ADAMTS3: variants seen among roughly 807,000 people sequenced by gnomAD.
ADAMTS3 encodes the protein A disintegrin and metalloproteinase with thrombospondin motifs 3.
Under a neutral mutation model 129.0 loss-of-function variants are expected in ADAMTS3, and 73 were observed. The observed-to-expected ratio is 0.57, with a 90% CI of 0.47 to 0.69. The LOEUF is 0.69. ADAMTS3 is among the 30% of genes least tolerant of loss of function. ADAMTS3 has a pLI of 0.00. For synonymous variants in ADAMTS3, 477 were observed against 510.8 expected (o/e 0.93, Z 0.89); for missense variants, 1,457 against 1,514.5 (o/e 0.96, Z 0.63).
intron 3 of ADAMTS3, among the ~76,000 whole-genome samples, chr4:72,418,664 G>A (rs759829818): frequency 2.0e-5 from 3 of 152,194 alleles, no homozygotes; most frequent in Non-Finnish European, 4.4e-5. Flanking sequence ...CTCACAGCCA[G>A]CTGCAAAGAG....
At chr4:72,323,316 C>CAT (rs1719613372) in intron 5 of ADAMTS3, 1 of 512,332 alleles carries the variant, frequency 2.0e-6, no homozygotes, top group African/African-American at 1.9e-5. Flanking sequence ...GTAATATGAA[C>CAT]GTACAGGACA....
chr4:72,488,883 G>A (rs1719659799), intron 3 of ADAMTS3, among the ~76,000 whole-genome samples: 1 of 151,742 alleles, frequency 6.6e-6, no homozygotes, highest in African/African-American at 2.4e-5. Context: ...TCTCCAGAAT[G>A]TACTCATCTA....
intron 21 of ADAMTS3, among the ~76,000 whole-genome samples, chr4:72,286,767 A>C (rs2109765995): frequency 6.6e-6 from 1 of 152,200 alleles, no homozygotes; most frequent in East Asian, 1.9e-4. Context: ...CTAGGAAAAC[A>C]AGGCAGGAGA....
At chr4:72,455,999 T>TTA (rs1239919922) in intron 3 of ADAMTS3, among the ~76,000 whole-genome samples, 1 of 35,574 alleles carries the variant, frequency 2.8e-5, no homozygotes, top group African/African-American at 1.0e-4. Context: ...TATATATATT[T>TTA]TACATATAGT....
chr4:72,562,161 G>T (rs540123406), intron 2 of ADAMTS3, among the ~76,000 whole-genome samples: 38 of 151,968 alleles, frequency 2.5e-4, no homozygotes, highest in Non-Finnish European at 4.9e-4. Flanking sequence ...TTACGAATTC[G>T]CTGCATCTTT....
rs763873264 is a variant in ADAMTS3, at chr4:72,290,838, G to A, written c.2931+17C>T. Reference sequence around the variant, plus strand: ...ACACACACTTTACTTATGCATGCACGGAATTCACACACCTACCTCACTCCA... The same window carrying A: ...ACACACACTTTACTTATGCATGCACAGAATTCACACACCTACCTCACTCCA... On this transcript the variant is annotated intron_variant, in intron 20 of 21. Transcript: ENST00000286657. 6.8e-6 allele frequency: 11 copies of A among 1,611,492 alleles called. No individual in the cohort carries two copies. The highest frequency in any genetic ancestry group is 4.5e-5 in the East Asian group (2 of 44,772).
At chr4:72,364,051 G>C (rs1720800373) in intron 4 of ADAMTS3, among the ~76,000 whole-genome samples, 1 of 152,188 alleles carries the variant, frequency 6.6e-6, no homozygotes, top group South Asian at 2.1e-4. Context: ...TGCATAAGTA[G>C]AATTAGCCCA....
intron 2 of ADAMTS3, among the ~76,000 whole-genome samples, chr4:72,552,842 C>T (rs1351676225): frequency 1.3e-5 from 2 of 152,148 alleles, no homozygotes; most frequent in East Asian, 3.9e-4. Flanking sequence ...CCCTCTGTCC[C>T]CCTTCTGTGT....
intron 3 of ADAMTS3, among the ~76,000 whole-genome samples, chr4:72,435,880 G>C (rs1722808536): frequency 1.3e-5 from 2 of 151,988 alleles, no homozygotes; most frequent in South Asian, 4.1e-4. Flanking sequence ...TTAAATGTTA[G>C]ACCTAAAACC....
rs1055517375 is a variant in ADAMTS3, at chr4:72,374,748, T to C, written c.662-35055A>G. Among the ~76,000 whole-genome samples the C allele has an allele frequency of 2.6e-5, 4 of 152,180 alleles. No homozygotes were observed. The East Asian group carries it at 7.7e-4, about 29-fold the overall frequency. ...TTGGTTTAAAATACTGTGAAAGGAA[T>C]TTATTTTTAAATGTGGAACCTGTTA... On this transcript the variant is annotated intron_variant, in intron 4 of 21. Coordinates refer to ENST00000286657, the MANE Select transcript of ADAMTS3 (RefSeq NM_014243.3).
At chr4:72,312,266 G>A in intron 13 of ADAMTS3, 25 bp downstream of exon 13, 1 of 1,612,448 alleles carries the variant, frequency 6.2e-7, no homozygotes. Context: ...CCACACAGCA[G>A]GAAGGAGAGC....
At chr4:72,304,940 G>A (rs916613300) in intron 16 of ADAMTS3, among the ~76,000 whole-genome samples, 2 of 152,012 alleles carry the variant, frequency 1.3e-5, no homozygotes, top group African/African-American at 4.8e-5. Flanking sequence ...GCTTGAGAGA[G>A]AACTATAGCT....
rs542399592 is a variant in ADAMTS3 at position 72,332,229 on chromosome 4, A to C, written c.861+7265T>G. ...CACTCACATTCAATGTTTTCAAAAAAGTTAAAAAATCAAAAGCAGTGTATT... is the reference window on the plus strand; with the variant it reads ...CACTCACATTCAATGTTTTCAAAAACGTTAAAAAATCAAAAGCAGTGTATT... On this transcript the variant is annotated intron_variant, in intron 5 of 21. Coordinates refer to ENST00000286657, the MANE Select transcript of ADAMTS3 (RefSeq NM_014243.3). Among the ~76,000 whole-genome samples, 16 of 152,352 alleles carry C rather than the reference A, an allele frequency of 1.1e-4. No homozygotes were observed. In the South Asian group the frequency reaches 3.3e-3, roughly 32 times the overall value.
At chr4:72,405,913 T>C (rs374141917) in intron 4 of ADAMTS3, among the ~76,000 whole-genome samples, 4 of 152,186 alleles carry the variant, frequency 2.6e-5, no homozygotes, top group Admixed American at 6.6e-5. Context: ...ATCAAGGAAC[T>C]GTAAGAGCCA....
In ADAMTS3 at chr4:72,507,261, T is replaced by C. The variant is rs537511508; in HGVS notation, c.504+41217A>G. ...TGCCCAGCTTCCCTTCCTCTTCTTGTGACAACCACACCTTATGCCTCTTTC... is the reference window on the plus strand; with the variant it reads ...TGCCCAGCTTCCCTTCCTCTTCTTGCGACAACCACACCTTATGCCTCTTTC... On this transcript the variant is annotated intron_variant, in intron 3 of 21. Transcript: ENST00000286657. Among the ~76,000 whole-genome samples, 9 of 152,274 alleles carry C rather than the reference T, an allele frequency of 5.9e-5. No homozygotes were observed. In the East Asian group the frequency reaches 1.7e-3, roughly 30 times the overall value.
intron 3 of ADAMTS3, among the ~76,000 whole-genome samples, chr4:72,522,707 G>T (rs1720705573): frequency 1.3e-5 from 2 of 152,012 alleles, no homozygotes; most frequent in Non-Finnish European, 2.9e-5. Flanking sequence ...ACTACACCTT[G>T]TATAACAGCT....
At chr4:72,513,812 G>A (rs1720379836) in intron 3 of ADAMTS3, among the ~76,000 whole-genome samples, 1 of 152,002 alleles carries the variant, frequency 6.6e-6, no homozygotes, top group South Asian at 2.1e-4. Context: ...GTACCCAACA[G>A]GTAATTTTTA....
At chr4:72,351,094 CAT>C (rs148116730) in intron 4 of ADAMTS3, among the ~76,000 whole-genome samples, 1,767 of 152,138 alleles carry the variant, frequency 0.012, 46 homozygotes, top group African/African-American at 0.041. Flanking sequence ...AGGCTCACCT[CAT>C]ATGTTTCTCA....
chr4:72,320,718 C>T lies in ADAMTS3; in HGVS notation c.1098G>A (p.Met366Ile), dbSNP rs753251269. Residue 366 changes from methionine (M) to isoleucine (I), a missense_variant, in exon 7 of 22, where the codon ATG (methionine) becomes ATA (isoleucine). Physicochemically the swap from Met to Ile is conservative, Grantham distance 10. Coordinates refer to ENST00000286657, the MANE Select transcript of ADAMTS3 (RefSeq NM_014243.3). ...LTRQDFGPAG[M>I]QGYAPVTGMC... ...TCTACATATTGACAGCAATACCTTG[C>T]ATTCCAGCAGGTCCAAAGTCTTGCC... 32 of 1,612,942 alleles carry T rather than the reference C, an allele frequency of 2.0e-5. No homozygotes were observed. Among genetic ancestry groups the T allele is most frequent in the Middle Eastern group, 1.6e-4 (1 of 6,078 alleles).
Sources: gnomAD v4.1 joint callset for allele counts (sites outside exome capture counted in the v4.1 genomes callset) on GRCh38, gnomAD v4.1.1 for gene constraint, MANE v1.5 for transcripts, NCBI Gene and HGNC (gene_info 2026-07-23, HGNC 2026-07-21) for gene names.